The following PRDX6 variants were observed in gnomAD, a reference collection of about 807,000 sequenced individuals.
PRDX6 encodes the protein peroxiredoxin-6.
A neutral mutation model predicts 20.0 loss-of-function variants in PRDX6; 13 were observed. The observed-to-expected ratio is 0.65, with a 90% confidence interval of 0.42 to 1.03. The LOEUF is 1.03. PRDX6 is among the 50% of genes least tolerant of loss of function. PRDX6 has a pLI of 0.00. For synonymous variants in PRDX6, 85 were observed against 100.8 expected, an observed-to-expected ratio of 0.84 and a Z score of 0.94; for missense variants, 203 against 276.9, an observed-to-expected ratio of 0.73 and a Z score of 1.89.
intron 1 of PRDX6, among the ~76,000 whole-genome samples, chr1:173,479,707 A>C (rs566746122): frequency 2.0e-5 from 3 of 152,192 alleles, no homozygotes; most frequent in Admixed American, 6.5e-5. Flanking sequence ...ATGTCACTGA[A>C]TTACTCTTAA....
intron 2 of PRDX6, among the ~76,000 whole-genome samples, chr1:173,482,607 T>A (rs913683019): frequency 6.6e-6 from 1 of 152,216 alleles, no homozygotes; most frequent in Non-Finnish European, 1.5e-5. Context: ...TGCTGTTAAG[T>A]AATAATGATA....
Position 173,481,530 on chromosome 1 carries a change from T to C in PRDX6, c.252+48T>C, listed in dbSNP as rs35926541. ...TTTGAGCCTGAGATTATAGGTCAAGTTATAAATTATGGAGTACTTGGTTTT... is the reference window on the plus strand; with the variant it reads ...TTTGAGCCTGAGATTATAGGTCAAGCTATAAATTATGGAGTACTTGGTTTT... On this transcript the variant is annotated intron_variant, in intron 2 of 4. Coordinates refer to ENST00000340385, the MANE Select transcript of PRDX6 (RefSeq NM_004905.3). 8.3e-6 allele frequency: 13 copies of C among 1,574,348 alleles called. No individual in the cohort carries two copies. The Admixed American group carries it at 2.0e-4, about 25-fold the overall frequency.
At position 173,487,833 on chromosome 1, in the gene PRDX6, G is replaced by T; in HGVS notation, c.645G>T (p.Lys215Asn). The T allele has an allele frequency of 1.2e-6, 2 of 1,613,366 alleles. No homozygotes were observed. Among genetic ancestry groups the T allele is most frequent in the Non-Finnish European group, 1.7e-6 (2 of 1,179,994 alleles). Residue 215 changes from lysine to asparagine, a missense_variant, in exon 5 of 5, where the codon AAG (lysine) becomes AAT (asparagine). By Grantham distance (94) the Lys-to-Asn change is moderately conservative (BLOSUM62 0). Transcript: ENST00000340385. The stretch of plus-strand genomic sequence containing the variant: ...TCACCAAAGAGCTCCCATCTGGCAA[G>T]AAATACCTCCGCTACACACCCCAGC... The part of the protein sequence containing the change: ...GVFTKELPSG[K>N]KYLRYTPQP
chr1:173,484,136 AATTAGATATATATAT>A (rs1269019154), intron 2 of PRDX6, among the ~76,000 whole-genome samples: 34 of 118,268 alleles, frequency 2.9e-4, no homozygotes, highest in East Asian at 2.7e-3. Context: ...AAAAAAAAAA[AATTAGATATATATAT>A]TTATATATAT....
At position 173,478,169 on chromosome 1, in the gene PRDX6, A is replaced by G. The variant is rs547031590; in HGVS notation, c.95+677A>G. ...GACTTTTTGTCCAGAGCCGCCTCCA[A>G]TGGCCAAGATATGATTTGATAACAG... On this transcript the variant is annotated intron_variant, in intron 1 of 4. Coordinates refer to ENST00000340385, the MANE Select transcript of PRDX6 (RefSeq NM_004905.3). 3.9e-5 allele frequency among the ~76,000 whole-genome samples: 6 copies of G among 152,330 alleles called. No individual in the cohort carries two copies. The East Asian group carries it at 5.8e-4, about 15-fold the overall frequency.
Position 173,478,421 on chromosome 1 carries a change from G to C in PRDX6, c.95+929G>C, listed in dbSNP as rs185832578. Among the ~76,000 whole-genome samples, 153 of 152,184 alleles carry C rather than the reference G, an allele frequency of 1.0e-3. 1 individual carries two copies. Among genetic ancestry groups the C allele is most frequent in the Admixed American group, 2.5e-3 (39 of 15,296 alleles). On this transcript the variant is annotated intron_variant, in intron 1 of 4. Coordinates refer to ENST00000340385, the MANE Select transcript of PRDX6 (RefSeq NM_004905.3). Reference sequence around the variant, plus strand: ...CCCTCCGCTTTCTACCTTGCTTCTAGCACATGAGCTTGCTGATGATAGCCA... The same window carrying C: ...CCCTCCGCTTTCTACCTTGCTTCTACCACATGAGCTTGCTGATGATAGCCA...
In PRDX6 at chr1:173,488,584, A is replaced by G. The variant is rs1000544094; in HGVS notation, c.*721A>G. On this transcript the variant is annotated 3_prime_UTR_variant, in exon 5 of 5. Coordinates refer to ENST00000340385, the MANE Select transcript of PRDX6 (RefSeq NM_004905.3). ...CAGAAAAGGCTTCCCTTGGCTCCCA[A>G]GGAGGTGTAGCAGGTGTGAGCAATA... 9.8e-5 allele frequency: 15 copies of G among 152,350 alleles called. No individual in the cohort carries two copies. Among genetic ancestry groups the G allele is most frequent in the African/African-American group, 3.1e-4 (13 of 41,572 alleles). 9.4% of individuals were successfully genotyped at this position (152,350 alleles called of 1,614,324 possible). A position where few individuals can be genotyped will look rare whatever the true frequency, so the allele number is the denominator to read the frequency against.
intron 2 of PRDX6, 29 bp downstream of exon 2, chr1:173,481,511 C>T: frequency 6.2e-7 from 1 of 1,603,824 alleles, no homozygotes; most frequent in Non-Finnish European, 8.5e-7. Context: ...GTGCTTTGAG[C>T]CTGAGATTAT....
At position 173,488,493 on chromosome 1, in the gene PRDX6, A is replaced by T. The variant is rs1450731943; in HGVS notation, c.*630A>T. On this transcript the variant is annotated 3_prime_UTR_variant, in exon 5 of 5. Coordinates refer to ENST00000340385, the MANE Select transcript of PRDX6 (RefSeq NM_004905.3). Reference sequence around the variant, plus strand: ...CTAGTAGATAAGTGAAGAGCAGGGAAAGAGACCTTTAAATATTTTGCTATA... The same window carrying T: ...CTAGTAGATAAGTGAAGAGCAGGGATAGAGACCTTTAAATATTTTGCTATA... The T allele has an allele frequency of 6.6e-6, 1 of 152,232 alleles. No individual in the cohort carries two copies. The highest frequency in any genetic ancestry group is 1.5e-5 in the Non-Finnish European group (1 of 68,046). The allele number at this position is 152,232 out of a possible 1,614,324, so 9.4% of individuals were successfully genotyped here. A position where few individuals can be genotyped will look rare whatever the true frequency, so the allele number is the denominator to read the frequency against.
At chr1:173,478,008 A>G in intron 1 of PRDX6, among the ~76,000 whole-genome samples, 1 of 152,212 alleles carries the variant, frequency 6.6e-6, no homozygotes, top group East Asian at 1.9e-4. Flanking sequence ...GTCTAAAGCC[A>G]AAGTCGGAGG....
Position 173,485,412 on chromosome 1 carries a change from A to G in PRDX6, c.304A>G (p.Ile102Val), listed in dbSNP as rs1658879518. The change falls in exon 3 of 5, where the codon ATC becomes GTC. Residue 102 changes from isoleucine to valine, a missense_variant. Coordinates refer to ENST00000340385, the MANE Select transcript of PRDX6 (RefSeq NM_004905.3). ...EEPTEKLPFP[I>V]IDDRNRELAI... ...GCCCACAGAAAAGTTACCTTTTCCC[A>G]TCATCGATGATAGGAATCGGGAGCT... 5 of 1,610,120 alleles carry G rather than the reference A, an allele frequency of 3.1e-6. No individual in the cohort carries two copies. The highest frequency in any genetic ancestry group is 4.2e-6 in the Non-Finnish European group (5 of 1,177,984).
chr1:173,481,100 C>T, intron 1 of PRDX6: 1 of 501,310 alleles, frequency 2.0e-6, no homozygotes, highest in South Asian at 2.8e-5. Flanking sequence ...TATGTGTCAT[C>T]TTGAATTTCA....
Position 173,484,929 on chromosome 1 carries a change from A to G in PRDX6, c.253-432A>G, listed in dbSNP as rs188949040. Among the ~76,000 whole-genome samples the G allele has an allele frequency of 3.3e-5, 5 of 151,356 alleles. No individual in the cohort carries two copies. The East Asian group carries it at 7.8e-4, about 24-fold the overall frequency. ...GCTTTATGAGGTAGGGACCAGATCT[A>G]TAAGATTTTCTTTACATATGGCATT... On this transcript the variant is annotated intron_variant, in intron 2 of 4. Coordinates refer to ENST00000340385, the MANE Select transcript of PRDX6 (RefSeq NM_004905.3).
chr1:173,477,413 C>T lies in PRDX6; in HGVS notation c.16C>T (p.Leu6Phe). The part of the protein sequence containing the change: MPGGL[L>F]LGDVAPNFEA... Reference sequence around the variant, plus strand: ...CACCGTCGCCATGCCCGGAGGTCTGCTTCTCGGGGACGTGGCTCCCAACTT... The same window carrying T: ...CACCGTCGCCATGCCCGGAGGTCTGTTTCTCGGGGACGTGGCTCCCAACTT... The change falls in exon 1 of 5, where the codon CTT becomes TTT. Residue 6 changes from leucine (L) to phenylalanine (F), a missense_variant. Leu to Phe is a conservative substitution (Grantham distance 22). Transcript: ENST00000340385. The T allele has an allele frequency of 6.2e-7, 1 of 1,608,866 alleles. No homozygotes were observed. Among genetic ancestry groups the T allele is most frequent in the Admixed American group, 1.7e-5 (1 of 59,556 alleles).
chr1:173,482,808 AT>A (rs1292389193), intron 2 of PRDX6, among the ~76,000 whole-genome samples: 4 of 152,024 alleles, frequency 2.6e-5, no homozygotes, highest in Non-Finnish European at 4.4e-5. Flanking sequence ...TTGAAGTAGA[AT>A]TTTTTTTCAT....
chr1:173,485,603 T>C (rs1658882889), intron 3 of PRDX6, 96 bp downstream of exon 3: 9 of 1,144,264 alleles, frequency 7.9e-6, no homozygotes, highest in Non-Finnish European at 1.1e-5. Context: ...GGGGAATATC[T>C]ACGATTATGA....
chr1:173,484,812 C>A (rs553025864), intron 2 of PRDX6, among the ~76,000 whole-genome samples: 60 of 148,126 alleles, frequency 4.1e-4, no homozygotes, highest in African/African-American at 1.4e-3. Flanking sequence ...ATATTCAACT[C>A]TCCATTCTTG....
chr1:173,481,305 C>T, intron 1 of PRDX6, 21 bp from the exon 2 acceptor site: 5 of 1,605,524 alleles, frequency 3.1e-6, no homozygotes, highest in Non-Finnish European at 4.3e-6. Context: ...TCAATTGTGA[C>T]CTTGTTTTTC....
At chr1:173,485,737 A>G (rs1658885289) in intron 3 of PRDX6, among the ~76,000 whole-genome samples, 1 of 152,200 alleles carries the variant, frequency 6.6e-6, no homozygotes, top group Non-Finnish European at 1.5e-5. Context: ...TGTTTATCCT[A>G]AAATGTCTTC....
Sources: allele counts gnomAD v4.1 joint callset (sites outside exome capture counted in the v4.1 genomes callset), GRCh38; gene constraint gnomAD v4.1.1; transcripts MANE v1.5; gene names NCBI Gene and HGNC (gene_info 2026-07-23, HGNC 2026-07-21).